The following SPAG6 variants were observed in gnomAD, a reference collection of about 807,000 sequenced individuals.
The protein encoded by SPAG6 is sperm-associated antigen 6.
Under a neutral mutation model 58.5 loss-of-function variants are expected in SPAG6, and 49 were observed. The ratio of observed to expected loss-of-function variants is 0.84; its 90% CI spans 0.67 to 1.06. SPAG6 has a LOEUF of 1.06. Among genes scored for constraint, SPAG6 ranks in the 50% least tolerant of loss-of-function variants. SPAG6 has a pLI of 0.00. For synonymous variants in SPAG6, 233 were observed against 225.6 expected (o/e 1.03, Z -0.29); for missense variants, 560 against 611.3 (o/e 0.92, Z 0.89).
chr10:22,365,084 G>C (rs1837159788), intron 3 of SPAG6, 65 bp downstream of exon 3: 1 of 1,229,184 alleles, frequency 8.1e-7, no homozygotes, highest in African/African-American at 1.5e-5. Flanking sequence ...GTGACAGTTT[G>C]GATACAGTTG....
rs1224249658 is a variant in SPAG6, at chr10:22,416,989, C to T, written c.*301C>T. On this transcript the variant is annotated 3_prime_UTR_variant, in exon 11 of 11. Transcript: ENST00000376624. The stretch of plus-strand genomic sequence containing the variant: ...CCACACACACTCGTACATGCAGACA[C>T]CTCCAATGAGATATAGTTAAGAGAT... 4.5e-6 allele frequency: 1 copy of T among 220,178 alleles called. No individual in the cohort carries two copies. Among genetic ancestry groups the T allele is most frequent in the African/African-American group, 2.3e-5 (1 of 43,890 alleles). 13.6% of individuals were successfully genotyped at this position (220,178 alleles called of 1,614,324 possible).
At position 22,416,644 on chromosome 10, in the gene SPAG6, A is replaced by G. The variant is rs1834871531; in HGVS notation, c.1486A>G (p.Thr496Ala). ...VRYYSPGYSDTLLQRVDSYQP... is the reference protein window; with the variant it reads ...VRYYSPGYSDALLQRVDSYQP... ...GTATTATTCCCCTGGATATTCAGAT[A>G]CACTTCTGCAGAGGGTGGACAGCTA... Residue 496 changes from threonine (T) to alanine (A), a missense_variant, in exon 11 of 11, where the codon ACA becomes GCA. Transcript: ENST00000376624. 4 of 1,608,898 alleles carry G rather than the reference A, an allele frequency of 2.5e-6. No individual in the cohort carries two copies. The highest frequency in any genetic ancestry group is 1.3e-5 in the African/African-American group (1 of 74,822).
At chr10:22,380,086 G>A (rs564387268) in intron 4 of SPAG6, among the ~76,000 whole-genome samples, 9 of 151,960 alleles carry the variant, frequency 5.9e-5, no homozygotes, top group East Asian at 3.9e-4. Context: ...GAGGCACTGC[G>A]CCTGGCCAAC....
chr10:22,412,446 A>G, intron 10 of SPAG6: 2 of 1,517,026 alleles, frequency 1.3e-6, no homozygotes, highest in Non-Finnish European at 1.8e-6. Flanking sequence ...TTTACCCAGT[A>G]AATTCTTTCC....
intron 4 of SPAG6, among the ~76,000 whole-genome samples, chr10:22,380,247 A>G (rs979151702): frequency 1.3e-5 from 2 of 152,204 alleles, no homozygotes; most frequent in African/African-American, 4.8e-5. Context: ...ATTATTATTA[A>G]CATAACATTA....
At chr10:22,348,582 G>T (rs969423326) in intron 2 of SPAG6, among the ~76,000 whole-genome samples, 10 of 152,084 alleles carry the variant, frequency 6.6e-5, no homozygotes, top group African/African-American at 9.7e-5. Context: ...TTCCATATGG[G>T]TATCATGATC....
At chr10:22,368,739 G>T in intron 4 of SPAG6, 61 bp downstream of exon 4, 2 of 1,336,362 alleles carry the variant, frequency 1.5e-6, no homozygotes, top group Non-Finnish European at 2.1e-6. Flanking sequence ...AGATTTATTA[G>T]GTAAATCCAG....
chr10:22,380,680 T>C (rs1588654874), intron 4 of SPAG6, among the ~76,000 whole-genome samples: 1 of 152,152 alleles, frequency 6.6e-6, no homozygotes, highest in Admixed American at 6.5e-5. Flanking sequence ...TATATTTTTA[T>C]GGCAAAAACC....
intron 9 of SPAG6, among the ~76,000 whole-genome samples, chr10:22,407,873 T>G (rs1487826238): frequency 1.3e-5 from 2 of 151,654 alleles, no homozygotes; most frequent in Non-Finnish European, 2.9e-5. Flanking sequence ...CCTTTCTCGC[T>G]TCATTTCATT....
At chr10:22,409,428 T>C (rs1834666282) in intron 9 of SPAG6, among the ~76,000 whole-genome samples, 1 of 152,256 alleles carries the variant, frequency 6.6e-6, no homozygotes, top group South Asian at 2.1e-4. Flanking sequence ...AATGCCTACA[T>C]GTACCCAGCT....
chr10:22,378,063 T>C (rs1833863080), intron 4 of SPAG6, among the ~76,000 whole-genome samples: 1 of 145,990 alleles, frequency 6.8e-6, no homozygotes, highest in African/African-American at 2.5e-5. Flanking sequence ...TTCTTTTTTT[T>C]TTTTTTTTTT....
At chr10:22,383,332 T>G (rs1026175890) in intron 4 of SPAG6, among the ~76,000 whole-genome samples, 2 of 152,156 alleles carry the variant, frequency 1.3e-5, no homozygotes, top group African/African-American at 4.8e-5. Flanking sequence ...TGCTGCTGGT[T>G]TTTTTCGAGT....
At chr10:22,346,750 A>G (rs1368343543) in intron 2 of SPAG6, among the ~76,000 whole-genome samples, 1 of 152,096 alleles carries the variant, frequency 6.6e-6, no homozygotes, top group African/African-American at 2.4e-5. Context: ...TACTGCACCT[A>G]TGTGATACTT....
At chr10:22,399,391 A>G (rs1197334831) in intron 8 of SPAG6, among the ~76,000 whole-genome samples, 1 of 152,194 alleles carries the variant, frequency 6.6e-6, no homozygotes, top group African/African-American at 2.4e-5. Context: ...TGGACAATCC[A>G]TATAAATGAA....
chr10:22,387,784 A>G (rs998254941), intron 5 of SPAG6, 39 bp from the exon 6 acceptor site: 1 of 1,578,190 alleles, frequency 6.3e-7, no homozygotes, highest in East Asian at 2.2e-5. Flanking sequence ...TGGATGCTAT[A>G]TAGTGTTTTG....
At position 22,376,634 on chromosome 10, in the gene SPAG6, CAT is replaced by C. The variant is rs1491556088; in HGVS notation, c.472+7957_472+7958del. 7.3e-5 allele frequency among the ~76,000 whole-genome samples: 11 copies of C among 151,646 alleles called. No homozygotes were observed. In the South Asian group the frequency reaches 8.3e-4, roughly 11 times the overall value. ...ACATGCATGTGCGTATACTTGTGGA[CAT>C]GTGTGTGTGTGTGTGTGTATGACCT... On this transcript the variant is annotated intron_variant, in intron 4 of 10. Transcript: ENST00000376624.
intron 9 of SPAG6, among the ~76,000 whole-genome samples, chr10:22,403,542 C>T (rs1358185622): frequency 1.3e-5 from 2 of 151,930 alleles, no homozygotes; most frequent in Admixed American, 6.6e-5. Context: ...CACTGTTGGA[C>T]ATTTGGGTTG....
intron 9 of SPAG6, among the ~76,000 whole-genome samples, chr10:22,402,429 C>G (rs1834438049): frequency 1.3e-5 from 2 of 152,162 alleles, no homozygotes; most frequent in African/African-American, 4.8e-5. Flanking sequence ...GTAGTCCCTA[C>G]AGATAAGTTT....
chr10:22,398,285 T>G (rs1220251313), intron 8 of SPAG6, among the ~76,000 whole-genome samples: 1 of 152,202 alleles, frequency 6.6e-6, no homozygotes, highest in African/African-American at 2.4e-5. Context: ...GTGTTAAGAT[T>G]ATAAACTCTT....
Sources: allele counts gnomAD v4.1 joint callset (sites outside exome capture counted in the v4.1 genomes callset), GRCh38; gene constraint gnomAD v4.1.1; transcripts MANE v1.5; gene names NCBI Gene and HGNC (gene_info 2026-07-23, HGNC 2026-07-21).